Variants in SLC36A4 observed in about 807,000 individuals in gnomAD.
SLC36A4 encodes solute carrier family 36 member 4.
A neutral mutation model predicts 50.5 loss-of-function variants in SLC36A4; 49 were observed. That is an observed-to-expected ratio of 0.97 (90% confidence interval 0.77 to 1.23). The LOEUF is 1.23. SLC36A4 is among the 50% of genes most tolerant of loss of function. The pLI, the probability that SLC36A4 is intolerant of heterozygous loss-of-function variation, is 0.00. For missense variants in SLC36A4, 611 were observed against 608.4 expected, an observed-to-expected ratio of 1.00 and a Z score of -0.05; for synonymous variants, 207 against 206.5, an observed-to-expected ratio of 1.00 and a Z score of -0.02.
chr11:93,185,349 T>C (rs1861936825), intron 2 of SLC36A4: 1 of 175,078 alleles, frequency 5.7e-6, no homozygotes, highest in Admixed American at 6.2e-5. Context: ...AAAGTTACAA[T>C]GCATTTCTAC....
intron 6 of SLC36A4, among the ~76,000 whole-genome samples, chr11:93,177,970 G>T (rs1390313391): frequency 6.6e-6 from 1 of 152,164 alleles, no homozygotes; most frequent in South Asian, 2.1e-4. Context: ...TGCCCCCAGA[G>T]GTGGAGTCTA....
Position 93,159,941 on chromosome 11 carries a change from C to T in SLC36A4, c.1037+2765G>A, listed in dbSNP as rs1223338408. On this transcript the variant is annotated intron_variant, in intron 9 of 10. Transcript: ENST00000326402. ...TAGTAGCCATTAGTTCTCTAGGATA[C>T]TCTTGTAACAGTCATTGGCTTTCAT... The T allele has an allele frequency of 7.1e-6, 7 of 985,282 alleles. No homozygotes were observed. The South Asian group carries it at 1.9e-4, about 26-fold the overall frequency. 61.0% of individuals were successfully genotyped at this position (985,282 alleles called of 1,614,324 possible).
intron 1 of SLC36A4, among the ~76,000 whole-genome samples, chr11:93,191,899 C>A (rs1862232345): frequency 6.8e-6 from 1 of 147,248 alleles, no homozygotes; most frequent in East Asian, 2.0e-4. Context: ...CACTAATAGT[C>A]CCTCAACACA....
chr11:93,153,976 A>T (rs1860226256), intron 10 of SLC36A4, 132 bp downstream of exon 10: 1 of 455,192 alleles, frequency 2.2e-6, no homozygotes, highest in Non-Finnish European at 3.6e-6. Context: ...CAGCTGGGTG[A>T]ATAAAATTGT....
chr11:93,178,005 C>T (rs1227355368), intron 6 of SLC36A4, among the ~76,000 whole-genome samples: 2 of 152,188 alleles, frequency 1.3e-5, no homozygotes, highest in Non-Finnish European at 2.9e-5. Context: ...CCTCCTTGAG[C>T]TGCGGTGGGC....
At chr11:93,192,545 A>T (rs1207317163) in intron 1 of SLC36A4, among the ~76,000 whole-genome samples, 1 of 152,222 alleles carries the variant, frequency 6.6e-6, no homozygotes, top group African/African-American at 2.4e-5. Context: ...TTTTTGTAGT[A>T]ACTTTTTTAC....
At chr11:93,195,762 T>A (rs1033608071) in intron 1 of SLC36A4, among the ~76,000 whole-genome samples, 28 of 152,220 alleles carry the variant, frequency 1.8e-4, no homozygotes, top group African/African-American at 6.8e-4. Context: ...TCTTTCTGCC[T>A]GGAGTAGTCG....
At chr11:93,191,815 C>G (rs1023622224) in intron 1 of SLC36A4, among the ~76,000 whole-genome samples, 3 of 151,952 alleles carry the variant, frequency 2.0e-5, no homozygotes, top group Admixed American at 6.6e-5. Flanking sequence ...AGGAATAAGC[C>G]CTCTCACAAA....
At position 93,178,816 on chromosome 11, in the gene SLC36A4, C is replaced by T. The variant is rs188163960; in HGVS notation, c.540+1981G>A. On this transcript the variant is annotated intron_variant, in intron 6 of 10. Transcript: ENST00000326402. Reference sequence around the variant, plus strand: ...AAGGATGCCCACTCTCACCACTCCTCTTCAACATAGTACTGGAAGTCCTAG... The same window carrying T: ...AAGGATGCCCACTCTCACCACTCCTTTTCAACATAGTACTGGAAGTCCTAG... Among the ~76,000 whole-genome samples, 477 of 152,268 alleles carry T rather than the reference C, an allele frequency of 3.1e-3. 3 individuals carry two copies. Among genetic ancestry groups the T allele is most frequent in the Non-Finnish European group, 2.3e-3 (159 of 68,020 alleles).
chr11:93,176,417 G>T (rs552334616), intron 6 of SLC36A4, among the ~76,000 whole-genome samples: 1 of 152,168 alleles, frequency 6.6e-6, no homozygotes, highest in Non-Finnish European at 1.5e-5. Flanking sequence ...GCCAGTCTAT[G>T]TCTTTTAATT....
At chr11:93,178,871 A>T (rs902997843) in intron 6 of SLC36A4, among the ~76,000 whole-genome samples, 6 of 152,184 alleles carry the variant, frequency 3.9e-5, no homozygotes, top group African/African-American at 1.4e-4. Flanking sequence ...GAAAGAAATA[A>T]AGGGCATCCA....
At chr11:93,185,272 A>C (rs770036831) in intron 2 of SLC36A4, 1 of 153,426 alleles carries the variant, frequency 6.5e-6, no homozygotes, top group Non-Finnish European at 1.5e-5. Flanking sequence ...TGAACCATTA[A>C]ACTATTATTA....
chr11:93,181,115 A>G (rs1472152750), intron 5 of SLC36A4, among the ~76,000 whole-genome samples: 9 of 152,000 alleles, frequency 5.9e-5, no homozygotes, highest in Admixed American at 5.9e-4. Context: ...TTCCCATCTC[A>G]CATGTCATCT....
Position 93,154,124 on chromosome 11 carries a change from G to A in SLC36A4, c.1191C>T (p.Phe397=). Residue 397 remains phenylalanine, a synonymous_variant, in exon 10 of 11, where the codon TTC becomes TTT. Transcript: ENST00000326402. The part of the protein sequence containing the change: ...KQICEFGIRS[F]LVSITCAGAI... Reference sequence around the variant, plus strand: ...GATACTTACAAGTAATACTAACCAAGAAGGATCTTATCCCAAATTCACAGA... The same window carrying A: ...GATACTTACAAGTAATACTAACCAAAAAGGATCTTATCCCAAATTCACAGA... 1 of 1,523,718 alleles carries A rather than the reference G, an allele frequency of 6.6e-7. No homozygotes were observed. The highest frequency in any genetic ancestry group is 8.8e-7 in the Non-Finnish European group (1 of 1,134,712). 94.4% of individuals were successfully genotyped at this position (1,523,718 alleles called of 1,614,324 possible).
At chr11:93,195,077 T>C (rs1862364103) in intron 1 of SLC36A4, among the ~76,000 whole-genome samples, 1 of 151,572 alleles carries the variant, frequency 6.6e-6, no homozygotes, top group Non-Finnish European at 1.5e-5. Context: ...GACAGCTGGC[T>C]TCCCTTCAAG....
chr11:93,162,442 G>A (rs1328945163), intron 9 of SLC36A4, among the ~76,000 whole-genome samples: 1 of 151,272 alleles, frequency 6.6e-6, no homozygotes, highest in African/African-American at 2.4e-5. Flanking sequence ...CTGAGTAGCT[G>A]GGATTATAGG....
At chr11:93,186,920 T>C (rs1377296895) in intron 1 of SLC36A4, among the ~76,000 whole-genome samples, 1 of 152,046 alleles carries the variant, frequency 6.6e-6, no homozygotes, top group East Asian at 1.9e-4. Context: ...GGCCTGAAAA[T>C]ATGCATTTCT....
intron 1 of SLC36A4, among the ~76,000 whole-genome samples, chr11:93,195,014 GT>G (rs994566384): frequency 6.6e-6 from 1 of 151,960 alleles, no homozygotes; most frequent in African/African-American, 2.4e-5. Context: ...GGAGCCCTCA[GT>G]TTTGTGCAAC....
rs34525400 is a variant in SLC36A4 at position 93,162,825 on chromosome 11, C to T, written c.918G>A (p.Ala306=). The change falls in exon 9 of 11, where the codon GCG becomes GCA. Residue 306 remains alanine, a synonymous_variant. Coordinates refer to ENST00000326402, the MANE Select transcript of SLC36A4 (RefSeq NM_152313.4). Reference sequence around the variant, plus strand: ...TAACAATCCCCATGCCAATATTCAACGCTTGAGGGAAACGCTTTGATTCTT... The same window carrying T: ...TAACAATCCCCATGCCAATATTCAATGCTTGAGGGAAACGCTTTGATTCTT... The part of the protein sequence containing the change: ...QMKESKRFPQ[A]LNIGMGIVTT... The T allele has an allele frequency of 1.3e-3, 2,105 of 1,613,706 alleles. 26 individuals carry two copies. The African/African-American group carries it at 0.025, about 19-fold the overall frequency.
Sources: gnomAD v4.1 joint callset for allele counts (sites outside exome capture counted in the v4.1 genomes callset) on GRCh38, gnomAD v4.1.1 for gene constraint, MANE v1.5 for transcripts, NCBI Gene and HGNC (gene_info 2026-07-23, HGNC 2026-07-21) for gene names.